CHRM3: variants seen among roughly 807,000 people sequenced by gnomAD.
The protein encoded by CHRM3 is cholinergic receptor muscarinic 3.
CHRM3 carries 11 observed loss-of-function variants against 41.8 expected under a neutral mutation model. The ratio of observed to expected loss-of-function variants is 0.26; its 90% CI spans 0.17 to 0.44. The LOEUF is 0.44. Among genes scored for constraint, CHRM3 ranks in the 20% least tolerant of loss-of-function variants. The probability of loss-of-function intolerance (pLI) is 1.00; values close to 1 mark genes in which losing one functional copy is unlikely to be tolerated. For missense variants in CHRM3, 571 were observed against 745.4 expected (o/e 0.77, Z 2.72); for synonymous variants, 297 against 301.4 (o/e 0.99, Z 0.15).
intron 5 of CHRM3, among the ~76,000 whole-genome samples, chr1:239,826,070 G>C (rs375080313): frequency 1.3e-5 from 2 of 152,162 alleles, no homozygotes; most frequent in Non-Finnish European, 2.9e-5. Flanking sequence ...CAGAGTTATT[G>C]TTTAGTGGAT....
At chr1:239,551,407 C>T (rs963986108) in intron 3 of CHRM3, among the ~76,000 whole-genome samples, 5 of 151,432 alleles carry the variant, frequency 3.3e-5, no homozygotes, top group Admixed American at 3.3e-4. Context: ...GGTAATCCAC[C>T]CACCTCAACC....
chr1:239,874,572 G>A (rs1025866538), intron 6 of CHRM3, among the ~76,000 whole-genome samples: 8 of 151,526 alleles, frequency 5.3e-5, no homozygotes, highest in African/African-American at 1.7e-4. Flanking sequence ...AAGGAAAGCC[G>A]TATATGTACA....
At chr1:239,566,514 C>A (rs1397370702) in intron 3 of CHRM3, among the ~76,000 whole-genome samples, 1 of 152,170 alleles carries the variant, frequency 6.6e-6, no homozygotes, top group East Asian at 1.9e-4. Flanking sequence ...AGTTGTTCAG[C>A]TTTCCTAGAT....
chr1:239,570,713 C>T (rs1267232091), intron 3 of CHRM3, among the ~76,000 whole-genome samples: 1 of 151,842 alleles, frequency 6.6e-6, no homozygotes, highest in Admixed American at 6.6e-5. Flanking sequence ...CAGGATGGTC[C>T]CTTAAATTAT....
At chr1:239,735,291 G>GT (rs1664300853) in intron 5 of CHRM3, among the ~76,000 whole-genome samples, 1 of 152,042 alleles carries the variant, frequency 6.6e-6, no homozygotes, top group Admixed American at 6.6e-5. Context: ...CATAAATAGG[G>GT]TATTCAGAGC....
intron 6 of CHRM3, among the ~76,000 whole-genome samples, chr1:239,869,133 A>G (rs1676363712): frequency 6.6e-6 from 1 of 152,018 alleles, no homozygotes. Context: ...TGAAACAGGG[A>G]CCTAGGGGAG....
intron 3 of CHRM3, among the ~76,000 whole-genome samples, chr1:239,631,180 T>C (rs1669783454): frequency 6.6e-6 from 1 of 152,232 alleles, no homozygotes; most frequent in Admixed American, 6.5e-5. Context: ...TTTTAAAAGA[T>C]ATATAAAATA....
rs144135038 is a variant in CHRM3 at position 239,388,153 on chromosome 1, T to G, written c.-521+926T>G. On this transcript the variant is annotated intron_variant, in intron 1 of 6. Coordinates refer to ENST00000676153, the MANE Select transcript of CHRM3 (RefSeq NM_001375978.1). ...TGGGAACTGCATCCATATGGATAGG[T>G]TTCAAGAATGCAAACCTTCATTTGT... 5.3e-5 allele frequency among the ~76,000 whole-genome samples: 8 copies of G among 152,112 alleles called. No individual in the cohort carries two copies. The East Asian group carries it at 1.6e-3, about 30-fold the overall frequency.
At chr1:239,741,353 G>C (rs1217863103) in intron 5 of CHRM3, among the ~76,000 whole-genome samples, 1 of 152,164 alleles carries the variant, frequency 6.6e-6, no homozygotes, top group Non-Finnish European at 1.5e-5. Context: ...TTCAAAGATA[G>C]GGATATTCCT....
intron 5 of CHRM3, among the ~76,000 whole-genome samples, chr1:239,778,019 C>T (rs1180970271): frequency 6.6e-6 from 1 of 152,082 alleles, no homozygotes; most frequent in Admixed American, 6.6e-5. Flanking sequence ...GTTTACACTG[C>T]TTGGGTGAAG....
intron 1 of CHRM3, among the ~76,000 whole-genome samples, chr1:239,491,582 G>A (rs1034648425): frequency 2.0e-5 from 3 of 152,094 alleles, no homozygotes; most frequent in Non-Finnish European, 4.4e-5. Flanking sequence ...AGCCCTTCAC[G>A]CACTGTTAGA....
chr1:239,748,297 G>C lies in CHRM3; in HGVS notation c.-147+70009G>C, dbSNP rs939033159. Among the ~76,000 whole-genome samples the C allele has an allele frequency of 7.2e-5, 11 of 151,986 alleles. No homozygotes were observed. The highest frequency in any genetic ancestry group is 2.4e-4 in the African/African-American group (10 of 41,390). On this transcript the variant is annotated intron_variant, in intron 5 of 6. Transcript: ENST00000676153. The surrounding 1 kb of genome is among the most constrained non-coding windows in gnomAD (Gnocchi z 4.3). ...ATGGGATTCACATTCCTCATTTTTT[G>C]TTTCCTTTTGGTTTTGCAAACATCA...
At chr1:239,903,283 G>C (rs1352357396) in intron 6 of CHRM3, among the ~76,000 whole-genome samples, 1 of 152,162 alleles carries the variant, frequency 6.6e-6, no homozygotes, top group African/African-American at 2.4e-5. Context: ...GGTCAACTGA[G>C]CAAATTAAAT....
At chr1:239,531,984 T>C (rs1657613252) in intron 2 of CHRM3, among the ~76,000 whole-genome samples, 1 of 141,684 alleles carries the variant, frequency 7.1e-6, no homozygotes, top group African/African-American at 2.7e-5. Flanking sequence ...AGGTGGAGTA[T>C]ATTTCTTTTT....
intron 3 of CHRM3, among the ~76,000 whole-genome samples, chr1:239,580,704 T>TATATATACAC (rs570878631): frequency 6.1e-5 from 8 of 131,086 alleles, no homozygotes; most frequent in African/African-American, 1.1e-4. Context: ...TATATATATA[T>TATATATACAC]ACACACACAC....
At chr1:239,601,897 G>A (rs1052774038) in intron 3 of CHRM3, among the ~76,000 whole-genome samples, 4 of 151,598 alleles carry the variant, frequency 2.6e-5, no homozygotes, top group Admixed American at 6.6e-5. Flanking sequence ...TTAAAGCTTC[G>A]ATACTGCCTC....
At chr1:239,643,117 C>A (rs541595187) in intron 4 of CHRM3, among the ~76,000 whole-genome samples, 2 of 152,250 alleles carry the variant, frequency 1.3e-5, no homozygotes, top group African/African-American at 4.8e-5. Context: ...TCTGATCGTT[C>A]CTCTGGAAGT....
At chr1:239,711,398 A>T (rs1343260169) in intron 5 of CHRM3, among the ~76,000 whole-genome samples, 1 of 152,094 alleles carries the variant, frequency 6.6e-6, no homozygotes, top group Non-Finnish European at 1.5e-5. Flanking sequence ...CATGTGGTTC[A>T]ATAATGCTTG....
At chr1:239,644,739 G>A (rs1391546821) in intron 4 of CHRM3, among the ~76,000 whole-genome samples, 6 of 152,186 alleles carry the variant, frequency 3.9e-5, no homozygotes, top group African/African-American at 1.4e-4. Flanking sequence ...TACAGATGGT[G>A]ATTCAGAAGG....
Sources: allele counts gnomAD v4.1 joint callset (sites outside exome capture counted in the v4.1 genomes callset), GRCh38; gene constraint gnomAD v4.1.1; non-coding constraint Gnocchi (gnomAD v3.1); transcripts MANE v1.5; gene names NCBI Gene and HGNC (gene_info 2026-07-23, HGNC 2026-07-21).